Variants in LRGUK observed in about 807,000 individuals in gnomAD.
The protein encoded by LRGUK is leucine rich repeats and guanylate kinase domain containing, also known as leucine-rich repeat and guanylate kinase domain-containing protein.
LRGUK carries 65 observed loss-of-function variants against 76.0 expected under a neutral mutation model. That is an observed-to-expected ratio of 0.85 (90% CI 0.70 to 1.05). The LOEUF is 1.05. Among genes scored for constraint, LRGUK ranks in the 50% least tolerant of loss-of-function variants. The pLI is 0.00. For synonymous variants in LRGUK, 268 were observed against 265.6 expected (o/e 1.01, Z -0.09); for missense variants, 758 against 732.8 (o/e 1.03, Z -0.40).
chr7:134,156,979 C>G (rs527894124), intron 5 of LRGUK, among the ~76,000 whole-genome samples: 1 of 152,106 alleles, frequency 6.6e-6, no homozygotes, highest in South Asian at 2.1e-4. Context: ...AAAAACTGAG[C>G]TTTGATGGGG....
chr7:134,163,605 C>T (rs1798851564), intron 7 of LRGUK, 65 bp downstream of exon 7: 2 of 1,382,444 alleles, frequency 1.4e-6, no homozygotes, highest in Admixed American at 2.2e-5. Context: ...AGAGACTTAG[C>T]ACACACCCTT....
intron 5 of LRGUK, among the ~76,000 whole-genome samples, chr7:134,149,112 A>T (rs978025008): frequency 6.9e-5 from 8 of 115,174 alleles, no homozygotes; most frequent in African/African-American, 2.4e-4. Context: ...TTTTTTTAAA[A>T]AAAAAAAAAA....
intron 12 of LRGUK, among the ~76,000 whole-genome samples, chr7:134,195,949 C>T (rs914089253): frequency 6.6e-6 from 1 of 152,116 alleles, no homozygotes; most frequent in African/African-American, 2.4e-5. Flanking sequence ...AGACACCCTA[C>T]GCCTTCTGGT....
chr7:134,155,597 A>G (rs936703906), intron 5 of LRGUK, among the ~76,000 whole-genome samples: 1 of 152,080 alleles, frequency 6.6e-6, no homozygotes, highest in Non-Finnish European at 1.5e-5. Flanking sequence ...TGAATTTTCC[A>G]TTTCTGTGCT....
chr7:134,271,863 A>G, the LRGUK span, among the ~76,000 whole-genome samples: 1 of 152,112 alleles, frequency 6.6e-6, no homozygotes, highest in African/African-American at 2.4e-5. Context: ...TCTGGTGTAT[A>G]AAATGCAATT....
intron 1 of LRGUK, among the ~76,000 whole-genome samples, chr7:134,136,069 C>T (rs573936561): frequency 6.6e-6 from 1 of 152,278 alleles, no homozygotes; most frequent in South Asian, 2.1e-4. Context: ...GGGTATTTTG[C>T]CATGGTTATC....
At chr7:134,262,633 C>G (rs1325774720) in intron 19 of LRGUK, among the ~76,000 whole-genome samples, 3 of 152,046 alleles carry the variant, frequency 2.0e-5, no homozygotes, top group Admixed American at 2.0e-4. Context: ...TTTGCTCTTT[C>G]CTGTTTAAAA....
chr7:134,157,465 C>A (rs1031509742), intron 5 of LRGUK, among the ~76,000 whole-genome samples: 9 of 152,208 alleles, frequency 5.9e-5, no homozygotes, highest in African/African-American at 2.2e-4. Context: ...AGCTATGAGC[C>A]ACGGTGATTT....
At chr7:134,194,101 T>C (rs982672789) in intron 12 of LRGUK, among the ~76,000 whole-genome samples, 2 of 152,154 alleles carry the variant, frequency 1.3e-5, no homozygotes, top group Non-Finnish European at 2.9e-5. Flanking sequence ...TTCTGGAGTA[T>C]GACTATTGCT....
exon 16 of LRGUK, chr7:134,209,926 G>A (rs1434092815): frequency 1.8e-5 from 7 of 398,932 alleles, no homozygotes; most frequent in Admixed American, 4.4e-5. Context: ...CTCCTCTTCC[G>A]GAGCCAGGGC....
intron 18 of LRGUK, among the ~76,000 whole-genome samples, chr7:134,257,495 C>G (rs1802614605): frequency 6.6e-6 from 1 of 152,136 alleles, no homozygotes; most frequent in Non-Finnish European, 1.5e-5. Context: ...CCAATCATAC[C>G]TGAACATTAT....
Position 134,201,579 on chromosome 7 carries a change from A to T in LRGUK, c.1843+3A>T. 1 of 1,601,384 alleles carries T rather than the reference A, an allele frequency of 6.2e-7. No homozygotes were observed. Among genetic ancestry groups the T allele is most frequent in the Non-Finnish European group, 8.5e-7 (1 of 1,173,338 alleles). Reference sequence around the variant, plus strand: ...CAAGAGTTTGGCTACAACTGCAGGTACTATTCTATCATTTTTGTGCCAGGA... The same window carrying T: ...CAAGAGTTTGGCTACAACTGCAGGTTCTATTCTATCATTTTTGTGCCAGGA... On this transcript the variant is annotated splice_donor_region_variant and intron_variant, in intron 15 of 15. Transcript: ENST00000645682.
intron 18 of LRGUK, among the ~76,000 whole-genome samples, chr7:134,255,222 AACACACACACACACACACACACAC>A (rs66632170): frequency 2.8e-5 from 4 of 143,054 alleles, no homozygotes; most frequent in African/African-American, 5.2e-5. Flanking sequence ...ATGTTATCTC[AACACACACACACACACACACACAC>A]ACACACACAC....
intron 16 of LRGUK, among the ~76,000 whole-genome samples, chr7:134,229,292 G>A (rs1801832536): frequency 6.6e-6 from 1 of 151,990 alleles, no homozygotes; most frequent in Non-Finnish European, 1.5e-5. Flanking sequence ...GAACCTGGGA[G>A]ACTGGAGTTG....
At chr7:134,251,155 G>A (rs561052866) in intron 18 of LRGUK, among the ~76,000 whole-genome samples, 1 of 152,234 alleles carries the variant, frequency 6.6e-6, no homozygotes, top group East Asian at 1.9e-4. Flanking sequence ...ATCTCAGAAT[G>A]TGACCTTATT....
chr7:134,144,579 T>C (rs1585429428), intron 4 of LRGUK, among the ~76,000 whole-genome samples: 1 of 152,260 alleles, frequency 6.6e-6, no homozygotes, highest in Non-Finnish European at 1.5e-5. Flanking sequence ...ACATCAACTA[T>C]TGCCTTTTAT....
At chr7:134,165,411 G>C (rs1374862574) in intron 7 of LRGUK, among the ~76,000 whole-genome samples, 1 of 152,202 alleles carries the variant, frequency 6.6e-6, no homozygotes, top group Non-Finnish European at 1.5e-5. Context: ...GGGTGATATA[G>C]TGCATAAAAT....
chr7:134,127,752 C>T lies in LRGUK; in HGVS notation c.297+88C>T, dbSNP rs569745144. The T allele has an allele frequency of 8.5e-6, 12 of 1,418,864 alleles. No homozygotes were observed. The East Asian group carries it at 2.7e-4, about 32-fold the overall frequency. The allele number at this position is 1,418,864 out of a possible 1,614,324, so 87.9% of individuals were successfully genotyped here. Reference sequence around the variant, plus strand: ...CAGCTCCCCGATGCACCCCCACCAGCCCGAAGCTTCCCACACCTTCTCAGG... The same window carrying T: ...CAGCTCCCCGATGCACCCCCACCAGTCCGAAGCTTCCCACACCTTCTCAGG... On this transcript the variant is annotated intron_variant, in intron 1 of 15. Transcript: ENST00000645682.
At chr7:134,164,032 A>G (rs181585673) in intron 7 of LRGUK, among the ~76,000 whole-genome samples, 1 of 152,332 alleles carries the variant, frequency 6.6e-6, no homozygotes, top group Admixed American at 6.5e-5. Context: ...GATAGATTGT[A>G]TAACATGGCG....
Sources: allele counts gnomAD v4.1 joint callset (sites outside exome capture counted in the v4.1 genomes callset), GRCh38; gene constraint gnomAD v4.1.1; transcripts MANE v1.5; gene names NCBI Gene and HGNC (gene_info 2026-07-23, HGNC 2026-07-21).